Variants in MAEL observed in about 807,000 individuals in gnomAD.
MAEL encodes the protein protein maelstrom homolog.
MAEL carries 46 observed loss-of-function variants against 62.0 expected under a neutral mutation model. The ratio of observed to expected loss-of-function variants is 0.74; its 90% CI spans 0.59 to 0.95. The LOEUF (loss-of-function observed/expected upper bound fraction) is 0.95, where lower values mean the gene tolerates loss of function less well. Ranked by LOEUF, MAEL falls within the 40% of genes least tolerant of loss-of-function variation. The probability of loss-of-function intolerance (pLI) is 0.00; values close to 1 mark genes in which losing one functional copy is unlikely to be tolerated. For missense variants in MAEL, 497 were observed against 526.8 expected (o/e 0.94, Z 0.55); for synonymous variants, 172 against 175.5 (o/e 0.98, Z 0.16).
Position 167,022,132 on chromosome 1 carries a change from T to G in MAEL, c.*277T>G, listed in dbSNP as rs531918076. On this transcript the variant is annotated 3_prime_UTR_variant, in exon 12 of 12. Transcript: ENST00000367872. Reference sequence around the variant, plus strand: ...TGAACAAAACTGACATTTTTAGAGTTGTACTTTTGGGAATGTTATAGATTG... The same window carrying G: ...TGAACAAAACTGACATTTTTAGAGTGGTACTTTTGGGAATGTTATAGATTG... 51 of 300,534 alleles carry G rather than the reference T, an allele frequency of 1.7e-4. No individual in the cohort carries two copies. Among genetic ancestry groups the G allele is most frequent in the Non-Finnish European group, 2.8e-4 (46 of 162,806 alleles). 18.6% of individuals were successfully genotyped at this position (300,534 alleles called of 1,614,324 possible).
chr1:166,983,974 C>G (rs1663838808), intron 1 of MAEL, among the ~76,000 whole-genome samples: 1 of 143,920 alleles, frequency 6.9e-6, no homozygotes, highest in African/African-American at 2.6e-5. Flanking sequence ...TGCACTCGAA[C>G]CTGGTTGACA....
In MAEL at chr1:167,018,530, A is replaced by G. The variant is rs566625531; in HGVS notation, c.1041+571A>G. On this transcript the variant is annotated intron_variant, in intron 10 of 11. Transcript: ENST00000367872. ...TGTACTAATTTTTTATGTATTAAAC[A>G]AGAACAATAATAGGGGCTAGTATTT... Among the ~76,000 whole-genome samples the G allele has an allele frequency of 1.2e-4, 19 of 152,298 alleles. No homozygotes were observed. The East Asian group carries it at 2.3e-3, about 19-fold the overall frequency.
upstream of MAEL, among the ~76,000 whole-genome samples, chr1:166,987,834 G>A (rs956016566): frequency 2.6e-5 from 4 of 152,020 alleles, no homozygotes; most frequent in African/African-American, 9.7e-5. Context: ...AACCTGTCAA[G>A]GAATAGATAA....
At chr1:167,019,700 T>G (rs1170354822) in intron 10 of MAEL, among the ~76,000 whole-genome samples, 3 of 152,226 alleles carry the variant, frequency 2.0e-5, no homozygotes, top group Middle Eastern at 6.8e-3. Flanking sequence ...CCTCCAGACT[T>G]CTTTATATAG....
chr1:167,000,130 T>C (rs1664598683), intron 5 of MAEL, among the ~76,000 whole-genome samples: 1 of 152,194 alleles, frequency 6.6e-6, no homozygotes, highest in Non-Finnish European at 1.5e-5. Context: ...TTTCAAGTCT[T>C]ATTATTTAAG....
rs746376906 is a variant in MAEL at position 167,016,208 on chromosome 1, A to T, written c.846-14A>T. On this transcript the variant is annotated splice_polypyrimidine_tract_variant and intron_variant, in intron 8 of 11. Coordinates refer to ENST00000367872, the MANE Select transcript of MAEL (RefSeq NM_032858.3). ...TACTTCAGTTAGGATATTAAAGTCC[A>T]TTTTTTTGTACAGGTGCAAGTGGCA... 6.2e-7 allele frequency: 1 copy of T among 1,612,532 alleles called. No individual in the cohort carries two copies. The highest frequency in any genetic ancestry group is 1.3e-5 in the African/African-American group (1 of 74,880).
intron 8 of MAEL, among the ~76,000 whole-genome samples, chr1:167,011,883 G>A (rs1244707055): frequency 6.6e-6 from 1 of 152,160 alleles, no homozygotes; most frequent in East Asian, 1.9e-4. Context: ...AAGAAATACA[G>A]TGTTGAGTTC....
At chr1:167,002,892 T>C (rs1348913890) in intron 5 of MAEL, among the ~76,000 whole-genome samples, 2 of 152,220 alleles carry the variant, frequency 1.3e-5, no homozygotes, top group Admixed American at 6.5e-5. Flanking sequence ...AAATCTCCTC[T>C]TCCAGAATTG....
chr1:167,014,681 G>GA (rs1665309158), intron 8 of MAEL, among the ~76,000 whole-genome samples: 1 of 152,178 alleles, frequency 6.6e-6, no homozygotes, highest in African/African-American at 2.4e-5. Context: ...GATTTGGGTT[G>GA]AAAGGGGGGA....
At chr1:166,989,275 C>T, upstream of MAEL, 2 of 1,531,306 alleles carry the variant, frequency 1.3e-6, no homozygotes, top group East Asian at 2.4e-5. Context: ...GCGCCTACCT[C>T]TGTTACTTAG....
intron 1 of MAEL, among the ~76,000 whole-genome samples, chr1:166,976,981 C>T (rs1663607742): frequency 1.3e-5 from 2 of 152,218 alleles, no homozygotes; most frequent in East Asian, 3.9e-4. Context: ...TGACCTCTCC[C>T]TCAGAGCTTT....
intron 8 of MAEL, among the ~76,000 whole-genome samples, chr1:167,013,080 T>C (rs1665237016): frequency 6.6e-6 from 1 of 152,058 alleles, no homozygotes; most frequent in Non-Finnish European, 1.5e-5. Context: ...ATTGGATAGA[T>C]GAGGAGGAGA....
At chr1:166,975,711 G>A (rs1175279661) in intron 1 of MAEL, 1 of 152,056 alleles carries the variant, frequency 6.6e-6, no homozygotes, top group African/African-American at 2.4e-5. Flanking sequence ...GGGGGTCTCT[G>A]GGTGGCAGGC....
At chr1:166,976,376 T>C (rs1331736115) in intron 1 of MAEL, among the ~76,000 whole-genome samples, 3 of 152,328 alleles carry the variant, frequency 2.0e-5, no homozygotes, top group African/African-American at 7.2e-5. Context: ...TGGAATGAGA[T>C]AGACTTCCTG....
intron 2 of MAEL, among the ~76,000 whole-genome samples, chr1:166,990,891 A>G (rs1274607992): frequency 1.3e-5 from 2 of 152,218 alleles, no homozygotes; most frequent in African/African-American, 4.8e-5. Context: ...TTGTGGATTT[A>G]TGAGTAGAAG....
At position 167,006,306 on chromosome 1, in the gene MAEL, G is replaced by A. The variant is rs115632181; in HGVS notation, c.845+909G>A. ...TTAGTTATTATATCTCTTTAATCTGGAACAGTTCTTCAGTCTTATTTTCAC... is the reference window on the plus strand; with the variant it reads ...TTAGTTATTATATCTCTTTAATCTGAAACAGTTCTTCAGTCTTATTTTCAC... On this transcript the variant is annotated intron_variant, in intron 8 of 11. Transcript: ENST00000367872. Among the ~76,000 whole-genome samples the A allele has an allele frequency of 8.6e-3, 1,314 of 151,958 alleles. 27 individuals carry two copies. The highest frequency in any genetic ancestry group is 0.03 in the African/African-American group (1,261 of 41,448).
In MAEL at chr1:167,010,285, C is replaced by T. The variant is rs181578654; in HGVS notation, c.845+4888C>T. On this transcript the variant is annotated intron_variant, in intron 8 of 11. Coordinates refer to ENST00000367872, the MANE Select transcript of MAEL (RefSeq NM_032858.3). ...ATCTGTGAGTCAGTTAAACCTCTTT[C>T]CTTTATAAATTACCCAGTCTCAAAT... is the stretch of plus-strand genomic sequence containing the variant. Among the ~76,000 whole-genome samples the T allele has an allele frequency of 3.4e-3, 511 of 152,220 alleles. 2 individuals carry two copies. The highest frequency in any genetic ancestry group is 4.8e-3 in the Admixed American group (73 of 15,282).
At chr1:167,007,594 TGTGTATGTACAC>T (rs1173430001) in intron 8 of MAEL, among the ~76,000 whole-genome samples, 4 of 68,956 alleles carry the variant, frequency 5.8e-5, no homozygotes, top group African/African-American at 4.8e-4. Flanking sequence ...TGTGTGTGTG[TGTGTATGTACAC>T]ACACACTCCA....
intron 6 of MAEL, 137 bp from the exon 7 acceptor site, chr1:167,004,939 C>G: frequency 1.5e-6 from 1 of 687,870 alleles, no homozygotes; most frequent in South Asian, 2.0e-5. Context: ...TTCATTGGCA[C>G]AAACTCCTCA....
Sources: allele counts gnomAD v4.1 joint callset (sites outside exome capture counted in the v4.1 genomes callset), GRCh38; gene constraint gnomAD v4.1.1; transcripts MANE v1.5; gene names NCBI Gene and HGNC (gene_info 2026-07-23, HGNC 2026-07-21).